ZNF420: variants seen among roughly 807,000 people sequenced by gnomAD.
ZNF420 encodes ATM and p53-associated KZNF protein.
A neutral mutation model predicts 44.7 loss-of-function variants in ZNF420; 31 were observed. The ratio of observed to expected loss-of-function variants is 0.69; its 90% confidence interval spans 0.52 to 0.94. The LOEUF is 0.94. ZNF420 is among the 40% of genes least tolerant of loss of function. The pLI, the probability that ZNF420 is intolerant of heterozygous loss-of-function variation, is 0.00. For synonymous variants in ZNF420, 245 were observed against 267.4 expected (o/e 0.92, Z 0.82); for missense variants, 681 against 827.9 (o/e 0.82, Z 2.18).
intron 4 of ZNF420, among the ~76,000 whole-genome samples, chr19:37,098,040 A>T (rs1211272028): frequency 6.6e-6 from 1 of 151,986 alleles, no homozygotes; most frequent in Non-Finnish European, 1.5e-5. Flanking sequence ...GCCTGATCAC[A>T]GCTCACTGCA....
At chr19:37,113,135 C>G (rs538014072) in intron 4 of ZNF420, among the ~76,000 whole-genome samples, 1 of 152,290 alleles carries the variant, frequency 6.6e-6, no homozygotes, top group South Asian at 2.1e-4. Context: ...TCTCGTTTCC[C>G]GACAATGGTT....
At chr19:37,016,689 C>G (rs993279302) in intron 1 of ZNF420, among the ~76,000 whole-genome samples, 6 of 152,212 alleles carry the variant, frequency 3.9e-5, no homozygotes, top group Non-Finnish European at 8.8e-5. Context: ...TGCTACTGGA[C>G]AGCAGTGCTG....
intron 1 of ZNF420, among the ~76,000 whole-genome samples, chr19:37,037,060 C>T (rs1288947339): frequency 1.3e-5 from 2 of 152,154 alleles, no homozygotes; most frequent in African/African-American, 4.8e-5. Context: ...TGCGTACCCC[C>T]GTGTGGGGGA....
chr19:37,021,762 C>A (rs2146383927), intron 1 of ZNF420, among the ~76,000 whole-genome samples: 1 of 151,346 alleles, frequency 6.6e-6, no homozygotes, highest in African/African-American at 2.4e-5. Flanking sequence ...CATGGTGAAA[C>A]CCCATCTCTA....
At chr19:37,111,295 A>G in intron 4 of ZNF420, among the ~76,000 whole-genome samples, 1 of 152,178 alleles carries the variant, frequency 6.6e-6, no homozygotes, top group Non-Finnish European at 1.5e-5. Context: ...TTCTTTTACT[A>G]TTTAAGTCTG....
intron 1 of ZNF420, among the ~76,000 whole-genome samples, chr19:37,028,963 G>A (rs551128263): frequency 5.4e-4 from 82 of 152,170 alleles, no homozygotes; most frequent in African/African-American, 1.9e-3. Context: ...ATCGACTGTA[G>A]GAGTTCTTTC....
chr19:37,060,820 C>T (rs1348486835), intron 1 of ZNF420, among the ~76,000 whole-genome samples: 1 of 152,048 alleles, frequency 6.6e-6, no homozygotes, highest in Non-Finnish European at 1.5e-5. Flanking sequence ...GGGACATCCT[C>T]TCCTCCGCTC....
At chr19:37,021,959 A>G (rs938873075) in intron 1 of ZNF420, among the ~76,000 whole-genome samples, 30 of 144,162 alleles carry the variant, frequency 2.1e-4, no homozygotes, top group South Asian at 1.5e-3. Flanking sequence ...AAAAAAAAAA[A>G]AAAAGAAAAG....
chr19:37,099,806 G>A (rs1357385768), intron 4 of ZNF420, among the ~76,000 whole-genome samples: 1 of 152,086 alleles, frequency 6.6e-6, no homozygotes, highest in East Asian at 1.9e-4. Context: ...TGTATTTTTA[G>A]TAGAGACGGT....
At chr19:37,010,064 G>C (rs2074557012) in intron 1 of ZNF420, among the ~76,000 whole-genome samples, 1 of 152,332 alleles carries the variant, frequency 6.6e-6, no homozygotes, top group African/African-American at 2.4e-5. Context: ...GTCGGCCTAG[G>C]CAATGCGCAT....
chr19:37,072,831 C>T (rs886687709), intron 1 of ZNF420, among the ~76,000 whole-genome samples: 5 of 151,688 alleles, frequency 3.3e-5, no homozygotes, highest in African/African-American at 1.2e-4. Flanking sequence ...TGTTTTCTGT[C>T]ATTATTTCAA....
intron 1 of ZNF420, among the ~76,000 whole-genome samples, chr19:37,021,936 CAAAAAAAA>C (rs60559933): frequency 4.7e-5 from 4 of 84,586 alleles, no homozygotes; most frequent in East Asian, 6.7e-4. Context: ...CAGTCTGTCT[CAAAAAAAA>C]AAAAAAAAAA....
intron 1 of ZNF420, among the ~76,000 whole-genome samples, chr19:37,070,007 T>C (rs1217715611): frequency 1.3e-5 from 2 of 152,106 alleles, no homozygotes; most frequent in Admixed American, 6.5e-5. Context: ...CTCAAATAGA[T>C]TTTTGTGTTA....
At chr19:37,119,351 C>T (rs1387323579) in intron 4 of ZNF420, among the ~76,000 whole-genome samples, 2 of 152,172 alleles carry the variant, frequency 1.3e-5, no homozygotes, top group Non-Finnish European at 2.9e-5. Flanking sequence ...GGAAACTGAA[C>T]AACCTGCTCC....
At chr19:37,125,162 A>G (rs753838764) in intron 4 of ZNF420, among the ~76,000 whole-genome samples, 38 of 152,066 alleles carry the variant, frequency 2.5e-4, no homozygotes, top group Non-Finnish European at 3.8e-4. Flanking sequence ...TTTTCTCTCC[A>G]ACATTCCATG....
intron 1 of ZNF420, among the ~76,000 whole-genome samples, chr19:37,078,930 C>T (rs1162763516): frequency 6.6e-6 from 1 of 152,026 alleles, no homozygotes; most frequent in Non-Finnish European, 1.5e-5. Flanking sequence ...TGTGTGTAAA[C>T]CTGATATCGT....
At chr19:37,116,653 G>A (rs1486076964) in intron 4 of ZNF420, among the ~76,000 whole-genome samples, 2 of 152,240 alleles carry the variant, frequency 1.3e-5, no homozygotes, top group African/African-American at 4.8e-5. Context: ...AGCAGGGCGA[G>A]GCATTACCTC....
At chr19:37,122,616 A>T (rs916409622) in intron 4 of ZNF420, among the ~76,000 whole-genome samples, 3 of 152,018 alleles carry the variant, frequency 2.0e-5, no homozygotes, top group South Asian at 2.1e-4. Flanking sequence ...AGTATAATTT[A>T]AAAAAACAAC....
At chr19:37,117,398 G>A (rs1352338187) in intron 4 of ZNF420, among the ~76,000 whole-genome samples, 1 of 152,212 alleles carries the variant, frequency 6.6e-6, no homozygotes, top group African/African-American at 2.4e-5. Context: ...CAACAGACCT[G>A]CAGGCGAGGC....
Sources: gnomAD v4.1 joint callset for allele counts (sites outside exome capture counted in the v4.1 genomes callset) on GRCh38, gnomAD v4.1.1 for gene constraint, MANE v1.5 for transcripts, NCBI Gene and HGNC (gene_info 2026-07-23, HGNC 2026-07-21) for gene names.